The following IPMK variants were observed in gnomAD, a reference collection of about 807,000 sequenced individuals.
IPMK encodes the protein inositol polyphosphate multikinase, also known as inositol 1,3,4,6-tetrakisphosphate 5-kinase.
Under a neutral mutation model 45.8 loss-of-function variants are expected in IPMK, and 17 were observed. That is an observed-to-expected ratio of 0.37 (90% CI 0.25 to 0.56). IPMK has a LOEUF of 0.56. Ranked by LOEUF, IPMK falls within the 20% of genes least tolerant of loss-of-function variation. The pLI is 0.79. For missense variants in IPMK, 399 were observed against 498.0 expected (o/e 0.80, Z 1.89); for synonymous variants, 180 against 184.3 (o/e 0.98, Z 0.19).
At chr10:58,245,509 G>C (rs1055185514) in intron 1 of IPMK, among the ~76,000 whole-genome samples, 20 of 150,618 alleles carry the variant, frequency 1.3e-4, no homozygotes, top group African/African-American at 5.0e-4. Flanking sequence ...CTACTCGGGA[G>C]GCTGGGGTAG....
intron 3 of IPMK, among the ~76,000 whole-genome samples, chr10:58,216,839 G>A (rs2132153096): frequency 6.6e-6 from 1 of 152,138 alleles, no homozygotes; most frequent in South Asian, 2.1e-4. Flanking sequence ...AGTTTCAAAG[G>A]AAAAACACGA....
intron 1 of IPMK, among the ~76,000 whole-genome samples, chr10:58,267,147 A>G (rs1839158945): frequency 6.6e-6 from 1 of 152,138 alleles, no homozygotes; most frequent in South Asian, 2.1e-4. Context: ...TCTCCAATCA[A>G]CACCCAACCT....
chr10:58,244,816 G>A (rs1319167411), intron 1 of IPMK, among the ~76,000 whole-genome samples: 1 of 152,128 alleles, frequency 6.6e-6, no homozygotes, highest in Non-Finnish European at 1.5e-5. Flanking sequence ...TGCACGATGT[G>A]CTTGGTTAAA....
intron 1 of IPMK, among the ~76,000 whole-genome samples, chr10:58,261,592 T>C (rs955054858): frequency 6.4e-5 from 9 of 141,168 alleles, no homozygotes; most frequent in African/African-American, 2.4e-4. Flanking sequence ...CTTTTGTTTG[T>C]TTTTTTTTTT....
chr10:58,210,057 G>A (rs1838134675), intron 4 of IPMK, among the ~76,000 whole-genome samples: 1 of 152,112 alleles, frequency 6.6e-6, no homozygotes, highest in African/African-American at 2.4e-5. Flanking sequence ...GTGGGGGCAG[G>A]GTTAGGCAGG....
At chr10:58,263,521 T>TAAA (rs57830906) in intron 1 of IPMK, among the ~76,000 whole-genome samples, 10 of 145,132 alleles carry the variant, frequency 6.9e-5, no homozygotes, top group African/African-American at 1.3e-4. Flanking sequence ...AAGACTCCGT[T>TAAA]AAAAAAAAAA....
chr10:58,233,508 C>G (rs1335857070), intron 2 of IPMK, among the ~76,000 whole-genome samples: 3 of 152,136 alleles, frequency 2.0e-5, no homozygotes, highest in African/African-American at 7.2e-5. Flanking sequence ...GGATGCAAAG[C>G]TGGTTTAACA....
At position 58,196,145 on chromosome 10, in the gene IPMK, T is replaced by C. The variant is rs1442318346; in HGVS notation, c.1182A>G (p.Thr394=). Residue 394 remains threonine, a synonymous_variant, in exon 6 of 6, where the codon ACA becomes ACG. Transcript: ENST00000373935. Reference sequence around the variant, plus strand: ...GCCCATAAACATATCCCTCATCTATTGTGTTGCTAGGGAACACATGAGCAA... The same window carrying C: ...GCCCATAAACATATCCCTCATCTATCGTGTTGCTAGGGAACACATGAGCAA... ...IDFAHVFPSN[T]IDEGYVYGLK... is the part of the protein sequence containing the mutation. The C allele has an allele frequency of 1.2e-5, 19 of 1,613,992 alleles. No individual in the cohort carries two copies. The highest frequency in any genetic ancestry group is 1.5e-5 in the Non-Finnish European group (18 of 1,179,878).
chr10:58,212,591 C>T (rs906600069), intron 4 of IPMK: 6 of 234,248 alleles, frequency 2.6e-5, no homozygotes, highest in Non-Finnish European at 5.8e-5. Context: ...GATCACTATC[C>T]TCATGATAGT....
intron 1 of IPMK, among the ~76,000 whole-genome samples, chr10:58,261,026 T>C (rs1016661084): frequency 2.0e-5 from 3 of 148,894 alleles, no homozygotes; most frequent in African/African-American, 7.5e-5. Context: ...ATCAAGATCG[T>C]GAAGTAGGAT....
At chr10:58,203,154 T>C (rs1463968030) in intron 4 of IPMK, among the ~76,000 whole-genome samples, 1 of 152,150 alleles carries the variant, frequency 6.6e-6, no homozygotes, top group Admixed American at 6.5e-5. Context: ...CCCTCATGGA[T>C]GACTTTGAGG....
At chr10:58,256,580 T>C (rs1838971221) in intron 1 of IPMK, among the ~76,000 whole-genome samples, 2 of 152,172 alleles carry the variant, frequency 1.3e-5, no homozygotes, top group Non-Finnish European at 2.9e-5. Flanking sequence ...TATTGCCCCT[T>C]GAAGCATGTG....
chr10:58,266,422 T>C (rs1160028193), intron 1 of IPMK, among the ~76,000 whole-genome samples: 2 of 152,234 alleles, frequency 1.3e-5, no homozygotes, highest in East Asian at 1.9e-4. Flanking sequence ...GAAGAACTCT[T>C]GGTTTCACAA....
intron 2 of IPMK, among the ~76,000 whole-genome samples, chr10:58,230,645 C>A (rs945865889): frequency 2.6e-5 from 4 of 151,986 alleles, no homozygotes; most frequent in African/African-American, 9.7e-5. Flanking sequence ...ACAAAAAGGT[C>A]ATCTACACCA....
chr10:58,244,748 C>T (rs1300963887), intron 1 of IPMK, among the ~76,000 whole-genome samples: 2 of 152,238 alleles, frequency 1.3e-5, no homozygotes, highest in South Asian at 2.1e-4. Context: ...TTACCCCCAA[C>T]CCCCTGCTCT....
rs1839178016 is a variant in IPMK at position 58,267,827 on chromosome 10, T to A, written c.-216A>T. The A allele has an allele frequency of 4.1e-6, 2 of 493,742 alleles. No homozygotes were observed. Among genetic ancestry groups the A allele is most frequent in the Non-Finnish European group, 7.1e-6 (2 of 282,470 alleles). The allele number at this position is 493,742 out of a possible 1,614,324, so 30.6% of individuals were successfully genotyped here. ...CTCTCGGCGGAACGCGGCTCCCGGCTCCTGTTCCTCTGCCGCCGCAGCCGC... is the reference window on the plus strand; with the variant it reads ...CTCTCGGCGGAACGCGGCTCCCGGCACCTGTTCCTCTGCCGCCGCAGCCGC... On this transcript the variant is annotated 5_prime_UTR_variant, in exon 1 of 6. Transcript: ENST00000373935.
rs540635303 is a variant in IPMK at position 58,208,278 on chromosome 10, G to A, written c.546+7867C>T. Among the ~76,000 whole-genome samples the A allele has an allele frequency of 1.3e-4, 20 of 152,044 alleles. 1 individual carries two copies. The South Asian group carries it at 4.2e-3, about 32-fold the overall frequency. On this transcript the variant is annotated intron_variant, in intron 4 of 5. Coordinates refer to ENST00000373935, the MANE Select transcript of IPMK (RefSeq NM_152230.5). ...TTAAGTTGCTTTCCACCTTTCTCTG[G>A]TATCTCCTTGAGTAGCTTAATAATC...
At chr10:58,234,515 T>A (rs1335307558) in intron 2 of IPMK, among the ~76,000 whole-genome samples, 2 of 152,036 alleles carry the variant, frequency 1.3e-5, no homozygotes, top group Non-Finnish European at 2.9e-5. Flanking sequence ...ACACCACACA[T>A]CCACAACCAT....
intron 1 of IPMK, 90 bp from the exon 2 acceptor site, chr10:58,237,904 A>G: frequency 1.1e-6 from 1 of 898,462 alleles, no homozygotes; most frequent in Non-Finnish European, 1.8e-6. Flanking sequence ...TGACAGGTAA[A>G]CTACTTCCAT....
Sources: allele counts gnomAD v4.1 joint callset (sites outside exome capture counted in the v4.1 genomes callset), GRCh38; gene constraint gnomAD v4.1.1; transcripts MANE v1.5; gene names NCBI Gene and HGNC (gene_info 2026-07-23, HGNC 2026-07-21).